The following GALNT13 variants were observed in gnomAD, a reference collection of about 807,000 sequenced individuals.
GALNT13 encodes UDP-GalNAc:polypeptide N-acetylgalactosaminyltransferase 13.
Under a neutral mutation model 64.2 loss-of-function variants are expected in GALNT13, and 28 were observed. That is an observed-to-expected ratio of 0.44 (90% CI 0.32 to 0.60). The LOEUF is 0.60. GALNT13 is among the 20% of genes least tolerant of loss of function. The pLI is 0.05. For synonymous variants in GALNT13, 214 were observed against 224.6 expected, an observed-to-expected ratio of 0.95 and a Z score of 0.42; for missense variants, 577 against 669.8, an observed-to-expected ratio of 0.86 and a Z score of 1.53.
chr2:154,242,599 C>A, intron 5 of GALNT13, 99 bp from the exon 6 acceptor site: 1 of 735,988 alleles, frequency 1.4e-6, no homozygotes, highest in Non-Finnish European at 2.3e-6. Flanking sequence ...AGGAATTGGC[C>A]ACCATTTCTG....
chr2:154,247,554 G>A lies in GALNT13; in HGVS notation c.857+1572G>A, dbSNP rs545832913. Among the ~76,000 whole-genome samples the A allele has an allele frequency of 4.9e-4, 74 of 151,914 alleles. No individual in the cohort carries two copies. In the Middle Eastern group the frequency reaches 0.01, roughly 21 times the overall value. ...TATTTATGTTCTCACAGAGTCAAAC[G>A]GAAGATAACTAAGAGGTAGCCAGCA... On this transcript the variant is annotated intron_variant, in intron 7 of 12. Transcript: ENST00000392825.
chr2:153,330,251 GC>G, the GALNT13 span, among the ~76,000 whole-genome samples: 29 of 152,246 alleles, frequency 1.9e-4, no homozygotes, highest in East Asian at 5.6e-3. Context: ...GATTGCTTTG[GC>G]TATTTGGGCT....
chr2:153,460,534 T>C, the GALNT13 span, among the ~76,000 whole-genome samples: 1 of 152,130 alleles, frequency 6.6e-6, no homozygotes, highest in Admixed American at 6.6e-5. Context: ...TGTGAAAGAA[T>C]TTCTCTAAAC....
chr2:153,805,140 AGAAAT>A, the GALNT13 span, among the ~76,000 whole-genome samples: 14 of 151,902 alleles, frequency 9.2e-5, no homozygotes, highest in African/African-American at 3.1e-4. Context: ...AAATTTAAAA[AGAAAT>A]GAAAAGGTTT....
the GALNT13 span, among the ~76,000 whole-genome samples, chr2:153,084,859 T>A: frequency 6.6e-6 from 1 of 152,210 alleles, no homozygotes; most frequent in Admixed American, 6.5e-5. Context: ...GGGGTGCTGC[T>A]GTAAAGATAC....
At chr2:154,245,362 G>C (rs990967470) in intron 6 of GALNT13, among the ~76,000 whole-genome samples, 1 of 152,008 alleles carries the variant, frequency 6.6e-6, no homozygotes, top group African/African-American at 2.4e-5. Flanking sequence ...TCTCCATGAA[G>C]ATGTTCTCAG....
the GALNT13 span, among the ~76,000 whole-genome samples, chr2:153,509,357 G>A: frequency 6.6e-5 from 10 of 152,228 alleles, no homozygotes; most frequent in African/African-American, 2.4e-4. Context: ...CAGTTCCACG[G>A]AGTGCGCAGA....
chr2:154,128,042 A>G (rs967095530), intron 3 of GALNT13, among the ~76,000 whole-genome samples: 6 of 151,992 alleles, frequency 3.9e-5, no homozygotes, highest in Admixed American at 3.9e-4. Flanking sequence ...CCTTGACCTT[A>G]TGATGTAACC....
the GALNT13 span, among the ~76,000 whole-genome samples, chr2:153,256,080 T>C: frequency 6.6e-6 from 1 of 152,152 alleles, no homozygotes. Context: ...TTGGTTCCAT[T>C]CTCCCCATCA....
the GALNT13 span, among the ~76,000 whole-genome samples, chr2:153,090,822 C>T: frequency 6.6e-6 from 1 of 152,226 alleles, no homozygotes; most frequent in African/African-American, 2.4e-5. Flanking sequence ...GGGAATGGTT[C>T]TCAGGCCAAT....
chr2:153,439,042 A>G, the GALNT13 span, among the ~76,000 whole-genome samples: 1 of 152,192 alleles, frequency 6.6e-6, no homozygotes, highest in Non-Finnish European at 1.5e-5. Flanking sequence ...TCTAACAGTC[A>G]GGACCCTCAG....
chr2:153,511,405 C>T, the GALNT13 span, among the ~76,000 whole-genome samples: 1 of 151,966 alleles, frequency 6.6e-6, no homozygotes, highest in Non-Finnish European at 1.5e-5. Flanking sequence ...GAAAACCGAG[C>T]ATGGGGGTAT....
chr2:153,077,163 G>A, the GALNT13 span, among the ~76,000 whole-genome samples: 13 of 151,906 alleles, frequency 8.6e-5, no homozygotes, highest in African/African-American at 3.1e-4. Flanking sequence ...TGTTGGCCAC[G>A]CTGGTCTCTA....
the GALNT13 span, among the ~76,000 whole-genome samples, chr2:153,082,419 T>A: frequency 2.0e-5 from 3 of 151,472 alleles, no homozygotes; most frequent in Admixed American, 2.0e-4. Context: ...GTTTCATTCC[T>A]GAGTTACATC....
At chr2:154,062,589 T>C (rs1395735844) in intron 3 of GALNT13, among the ~76,000 whole-genome samples, 1 of 151,996 alleles carries the variant, frequency 6.6e-6, no homozygotes, top group Non-Finnish European at 1.5e-5. Flanking sequence ...GAGAAGGAAG[T>C]GGGAAGTGCT....
intron 3 of GALNT13, among the ~76,000 whole-genome samples, chr2:154,025,860 T>C (rs1291483195): frequency 1.3e-5 from 2 of 152,064 alleles, no homozygotes; most frequent in African/African-American, 4.8e-5. Flanking sequence ...GGTAACTGGG[T>C]CTTGAACTGA....
chr2:153,703,918 A>AT, the GALNT13 span, among the ~76,000 whole-genome samples: 1 of 152,098 alleles, frequency 6.6e-6, no homozygotes, highest in Non-Finnish European at 1.5e-5. Flanking sequence ...AAAATATAAA[A>AT]TTTGATTAAT....
chr2:154,107,505 A>G (rs7603191), intron 3 of GALNT13, among the ~76,000 whole-genome samples: 116,027 of 150,396 alleles, frequency 0.77, 44,970 homozygotes, highest in East Asian at 0.96. Context: ...CAAGAGAATC[A>G]CTTGAACCTA....
At chr2:153,296,025 G>A in the GALNT13 span, among the ~76,000 whole-genome samples, 1 of 152,134 alleles carries the variant, frequency 6.6e-6, no homozygotes, top group Non-Finnish European at 1.5e-5. Flanking sequence ...CTTTGACTGT[G>A]TGTCAACAAG....
Sources: allele counts gnomAD v4.1 joint callset (sites outside exome capture counted in the v4.1 genomes callset), GRCh38; gene constraint gnomAD v4.1.1; transcripts MANE v1.5; gene names NCBI Gene and HGNC (gene_info 2026-07-23, HGNC 2026-07-21).